Variants in PRKN observed in about 807,000 individuals in gnomAD.
PRKN encodes E3 ubiquitin-protein ligase parkin.
PRKN carries 56 observed loss-of-function variants against 59.5 expected under a neutral mutation model. The ratio of observed to expected loss-of-function variants is 0.94; its 90% confidence interval spans 0.76 to 1.18. PRKN has a LOEUF of 1.18. PRKN is among the 50% of genes most tolerant of loss of function. The probability of loss-of-function intolerance (pLI) is 0.00; values close to 1 mark genes in which losing one functional copy is unlikely to be tolerated. For missense variants in PRKN, 657 were observed against 596.4 expected, an observed-to-expected ratio of 1.10 and a Z score of -1.06; for synonymous variants, 250 against 222.1, an observed-to-expected ratio of 1.13 and a Z score of -1.12.
chr6:162,186,410 T>C (rs1583169411), intron 4 of PRKN, among the ~76,000 whole-genome samples: 2 of 151,912 alleles, frequency 1.3e-5, no homozygotes, highest in East Asian at 3.9e-4. Flanking sequence ...CTCATGAACA[T>C]CATATTTATA....
intron 4 of PRKN, among the ~76,000 whole-genome samples, chr6:162,149,237 C>A (rs1207532186): frequency 6.6e-6 from 1 of 151,884 alleles, no homozygotes; most frequent in African/African-American, 2.4e-5. Context: ...TAAGACTTTA[C>A]TTTCTTTTTT....
At chr6:161,909,280 A>G (rs1045230401) in intron 6 of PRKN, among the ~76,000 whole-genome samples, 6 of 152,194 alleles carry the variant, frequency 3.9e-5, no homozygotes, top group African/African-American at 1.4e-4. Flanking sequence ...TAAATTCAGT[A>G]AACACATTAC....
rs1201651214 is a variant in PRKN, at chr6:161,456,921, T to G, written c.1084-70044A>C. On this transcript the variant is annotated intron_variant, in intron 9 of 11. Coordinates refer to ENST00000366898, the MANE Select transcript of PRKN (RefSeq NM_004562.3). This position sits in a 1 kb window ranked among gnomAD's most constrained non-coding sequence, Gnocchi z 4.8. ...TGTGGCAGCTGGAAGAGGCCTGGAG[T>G]GGTACTTGGACTTTGAAGCCAAACA... 6.6e-6 allele frequency among the ~76,000 whole-genome samples: 1 copy of G among 152,038 alleles called. No homozygotes were observed. The highest frequency in any genetic ancestry group is 1.5e-5 in the Non-Finnish European group (1 of 67,998).
In PRKN at chr6:162,254,787, C is replaced by T. The variant is rs539809414; in HGVS notation, c.412+7738G>A. Among the ~76,000 whole-genome samples the T allele has an allele frequency of 6.6e-4, 100 of 152,178 alleles. 1 individual carries two copies. Among genetic ancestry groups the T allele is most frequent in the African/African-American group, 2.0e-3 (82 of 41,520 alleles). ...ATGAAGTGGGGTACACACTCATCGCCAAAGGGTCCTTTGAGCAAGTCCCAG... is the reference window on the plus strand; with the variant it reads ...ATGAAGTGGGGTACACACTCATCGCTAAAGGGTCCTTTGAGCAAGTCCCAG... On this transcript the variant is annotated intron_variant, in intron 3 of 11. Coordinates refer to ENST00000366898, the MANE Select transcript of PRKN (RefSeq NM_004562.3).
At chr6:161,624,529 G>A (rs984079522) in intron 7 of PRKN, among the ~76,000 whole-genome samples, 11 of 152,220 alleles carry the variant, frequency 7.2e-5, no homozygotes, top group African/African-American at 2.7e-4. Context: ...AGTGTTTCAT[G>A]CTTCAAAGAA....
intron 7 of PRKN, among the ~76,000 whole-genome samples, chr6:161,597,609 ACTCTCTCTCT>A (rs369845601): frequency 6.7e-6 from 1 of 149,240 alleles, no homozygotes; most frequent in East Asian, 2.0e-4. Flanking sequence ...TCCACCCCCG[ACTCTCTCTCT>A]CTCTCTCTGG....
intron 6 of PRKN, among the ~76,000 whole-genome samples, chr6:161,900,421 G>A (rs1314153770): frequency 3.5e-5 from 5 of 142,642 alleles, no homozygotes; most frequent in Non-Finnish European, 7.5e-5. Context: ...GAGAAAATTA[G>A]AGAAAAATAA....
chr6:162,714,620 C>T (rs9346928), intron 1 of PRKN, among the ~76,000 whole-genome samples: 27,007 of 152,034 alleles, frequency 0.18, 3,091 homozygotes, highest in East Asian at 0.48. Flanking sequence ...AATGTTTTAA[C>T]ATTTAGTTTC....
chr6:161,811,391 G>A (rs1348104361), intron 6 of PRKN, among the ~76,000 whole-genome samples: 1 of 152,192 alleles, frequency 6.6e-6, no homozygotes, highest in African/African-American at 2.4e-5. Context: ...TCAAGCCAGT[G>A]TGGTACTGGC....
At chr6:162,573,744 C>T (rs918876188) in intron 1 of PRKN, among the ~76,000 whole-genome samples, 3 of 152,036 alleles carry the variant, frequency 2.0e-5, no homozygotes, top group African/African-American at 2.4e-5. Context: ...TTTGTACAAA[C>T]GTGAAATACA....
At chr6:161,474,541 C>T (rs1046767806) in intron 9 of PRKN, among the ~76,000 whole-genome samples, 2 of 151,686 alleles carry the variant, frequency 1.3e-5, no homozygotes, top group African/African-American at 2.4e-5. Context: ...CAGATATCTT[C>T]GTATGATTTT....
intron 4 of PRKN, among the ~76,000 whole-genome samples, chr6:162,192,344 T>C (rs1784314341): frequency 6.6e-6 from 1 of 151,132 alleles, no homozygotes; most frequent in Non-Finnish European, 1.5e-5. Flanking sequence ...ATATGTGAAA[T>C]TAGAAAAAGC....
chr6:161,495,465 C>G (rs1303804836), intron 9 of PRKN, among the ~76,000 whole-genome samples: 1 of 152,250 alleles, frequency 6.6e-6, no homozygotes, highest in African/African-American at 2.4e-5. Flanking sequence ...CTCTCCTGCA[C>G]TCAGGGTCCC....
At chr6:162,190,169 G>A (rs1262435618) in intron 4 of PRKN, among the ~76,000 whole-genome samples, 1 of 152,164 alleles carries the variant, frequency 6.6e-6, no homozygotes, top group East Asian at 1.9e-4. Context: ...GCATCAGTGA[G>A]TATCGTGCCC....
intron 2 of PRKN, among the ~76,000 whole-genome samples, chr6:162,417,677 C>T (rs577788186): frequency 6.6e-6 from 1 of 152,314 alleles, no homozygotes; most frequent in East Asian, 1.9e-4. Context: ...CCTCCCTGTG[C>T]CCGACTGTGT....
At chr6:162,139,653 A>C (rs181381414) in intron 4 of PRKN, among the ~76,000 whole-genome samples, 1 of 152,332 alleles carries the variant, frequency 6.6e-6, no homozygotes, top group East Asian at 1.9e-4. Flanking sequence ...TTCTCAGCTT[A>C]GCTGTGGACT....
chr6:161,455,901 A>T (rs1253623096), intron 9 of PRKN, among the ~76,000 whole-genome samples: 1 of 152,070 alleles, frequency 6.6e-6, no homozygotes, highest in Non-Finnish European at 1.5e-5. Flanking sequence ...ACAAATAAAT[A>T]CATATACACA....
intron 7 of PRKN, among the ~76,000 whole-genome samples, chr6:161,686,534 T>C (rs1188368082): frequency 6.6e-6 from 1 of 152,218 alleles, no homozygotes; most frequent in African/African-American, 2.4e-5. Context: ...AGTTTTGTTA[T>C]TATGGGTCCA....
rs1388089035 is a variant in PRKN, at chr6:161,467,486, T to A, written c.1084-80609A>T. Among the ~76,000 whole-genome samples, 1 of 152,190 alleles carries A rather than the reference T, an allele frequency of 6.6e-6. No individual in the cohort carries two copies. Among genetic ancestry groups the A allele is most frequent in the Non-Finnish European group, 1.5e-5 (1 of 68,026 alleles). Reference sequence around the variant, plus strand: ...AGATGGGCATTTCTCTGTAAGCATATGGTCCAATGGGGAAGACCTAGATAC... The same window carrying A: ...AGATGGGCATTTCTCTGTAAGCATAAGGTCCAATGGGGAAGACCTAGATAC... On this transcript the variant is annotated intron_variant, in intron 9 of 11. Transcript: ENST00000366898. This position sits in a 1 kb window ranked among gnomAD's most constrained non-coding sequence, Gnocchi z 4.3.
Sources: gnomAD v4.1 joint callset for allele counts (sites outside exome capture counted in the v4.1 genomes callset) on GRCh38, gnomAD v4.1.1 for gene constraint, Gnocchi (gnomAD v3.1) non-coding constraint, MANE v1.5 for transcripts, NCBI Gene and HGNC (gene_info 2026-07-23, HGNC 2026-07-21) for gene names.